The following ADAD1 variants were observed in gnomAD, a reference collection of about 807,000 sequenced individuals.
The protein encoded by ADAD1 is adenosine deaminase domain containing 1.
Under a neutral mutation model 66.8 loss-of-function variants are expected in ADAD1, and 46 were observed. The ratio of observed to expected loss-of-function variants is 0.69; its 90% confidence interval spans 0.54 to 0.88. The LOEUF (loss-of-function observed/expected upper bound fraction) is 0.88. ADAD1 is among the 40% of genes least tolerant of loss of function. ADAD1 has a pLI of 0.00. For missense variants in ADAD1, 617 were observed against 681.8 expected (o/e 0.91, Z 1.06); for synonymous variants, 248 against 229.4 (o/e 1.08, Z -0.73).
intron 12 of ADAD1, among the ~76,000 whole-genome samples, chr4:122,424,180 A>G (rs1350780316): frequency 6.6e-6 from 1 of 152,200 alleles, no homozygotes; most frequent in Non-Finnish European, 1.5e-5. Context: ...CGTTAAGAAA[A>G]TGTGTTGTTA....
chr4:122,418,707 C>T (rs994649260), intron 11 of ADAD1, among the ~76,000 whole-genome samples: 5 of 152,036 alleles, frequency 3.3e-5, no homozygotes, highest in South Asian at 2.1e-4. Flanking sequence ...TTTTTCTAAA[C>T]CTTTAAAAAG....
rs771363390 is a variant in ADAD1, at chr4:122,407,921, G to A, written c.738G>A (p.Glu246=). The change falls in exon 8 of 13, where the codon GAG becomes GAA. Residue 246 remains glutamate (E), a synonymous_variant. Transcript: ENST00000296513. ...TTTTTCTTTCAGCTGGACAACATGA[G>A]GTTGTAGCTATAGGCACAGGTGAAT... ...AFIIERAGQH[E]VVAIGTGEYN... 3 of 1,613,196 alleles carry A rather than the reference G, an allele frequency of 1.9e-6. No homozygotes were observed. The highest frequency in any genetic ancestry group is 2.7e-5 in the African/African-American group (2 of 74,886).
chr4:122,415,891 A>G (rs62321749), intron 11 of ADAD1, among the ~76,000 whole-genome samples: 7,479 of 152,240 alleles, frequency 0.049, 259 homozygotes, highest in Non-Finnish European at 0.074. Flanking sequence ...AACCCAAGGA[A>G]TCTGGCTCCA....
intron 11 of ADAD1, among the ~76,000 whole-genome samples, chr4:122,417,073 G>A (rs933359777): frequency 2.6e-5 from 4 of 152,096 alleles, no homozygotes; most frequent in African/African-American, 4.8e-5. Flanking sequence ...AGTGGCTCAC[G>A]CCTATAACCC....
In ADAD1 at chr4:122,415,385, G is replaced by A. The variant is rs771344072; in HGVS notation, c.1256G>A (p.Gly419Glu). 2 of 1,607,798 alleles carry A rather than the reference G, an allele frequency of 1.2e-6. No homozygotes were observed. Residue 419 changes from glycine to glutamate, a missense_variant, in exon 11 of 13, where the codon GGG becomes GAG. Gly to Glu is a moderately conservative substitution (Grantham distance 98). Transcript: ENST00000296513. ...VYISSILIGD[G>E]NCSDTRGLEI... ...TTTTGTTTTTGCTTTCTAGGTGATG[G>A]GAATTGCAGTGATACCAGAGGCTTA...
At chr4:122,388,878 T>C (rs1214599722) in intron 5 of ADAD1, among the ~76,000 whole-genome samples, 2 of 152,188 alleles carry the variant, frequency 1.3e-5, no homozygotes, top group African/African-American at 4.8e-5. Context: ...TCAGTTCTGC[T>C]CTGATCTTAG....
chr4:122,415,500 A>T lies in ADAD1; in HGVS notation c.1371A>T (p.Val457=), dbSNP rs1796688769. ...YLVNRPHISL[V]PSAYPLQMNL... ...TCAACAGACCTCATATTAGTTTAGT[A>T]CCCTCTGCATATCCCCTTCAAATGA... The change falls in exon 11 of 13, where the codon GTA becomes GTT. Residue 457 remains valine (V), a synonymous_variant. Transcript: ENST00000296513. The T allele has an allele frequency of 6.2e-7, 1 of 1,613,714 alleles. No homozygotes were observed. The highest frequency in any genetic ancestry group is 1.7e-5 in the Admixed American group (1 of 59,972).
At chr4:122,426,178 A>G (rs1411572289) in intron 12 of ADAD1, among the ~76,000 whole-genome samples, 1 of 152,154 alleles carries the variant, frequency 6.6e-6, no homozygotes, top group Non-Finnish European at 1.5e-5. Flanking sequence ...GGTTATCACT[A>G]CAGACCTTAA....
In ADAD1 at chr4:122,379,380, A is replaced by G. The variant is rs1580725546; in HGVS notation, c.-74A>G. On this transcript the variant is annotated 5_prime_UTR_variant, in exon 2 of 13. Transcript: ENST00000296513. ...CGGCGTCTCTTCCCTAGGTGACGCA[A>G]GACGCGGAGCTCGGCTGCACGACGC... 6.6e-6 allele frequency: 1 copy of G among 152,370 alleles called. No homozygotes were observed. Among genetic ancestry groups the G allele is most frequent in the African/African-American group, 2.4e-5 (1 of 41,476 alleles). The allele number at this position is 152,370 out of a possible 1,614,324, so 9.4% of individuals were successfully genotyped here.
At chr4:122,381,903 T>C (rs1185893491) in intron 4 of ADAD1, among the ~76,000 whole-genome samples, 1 of 152,218 alleles carries the variant, frequency 6.6e-6, no homozygotes, top group African/African-American at 2.4e-5. Context: ...TTCTTTAATT[T>C]TCCTGGTGCT....
chr4:122,389,026 C>A (rs1435118161), intron 5 of ADAD1, among the ~76,000 whole-genome samples: 1 of 152,178 alleles, frequency 6.6e-6, no homozygotes, highest in Non-Finnish European at 1.5e-5. Context: ...TCCCTCTTAA[C>A]ACTACTTTAG....
chr4:122,417,858 G>A (rs1234653911), intron 11 of ADAD1, among the ~76,000 whole-genome samples: 2 of 152,106 alleles, frequency 1.3e-5, no homozygotes, highest in African/African-American at 4.8e-5. Context: ...AGAATACTAG[G>A]AGCTGATTTT....
chr4:122,389,207 T>G (rs1795324387), intron 5 of ADAD1, among the ~76,000 whole-genome samples: 2 of 152,236 alleles, frequency 1.3e-5, no homozygotes, highest in South Asian at 4.1e-4. Flanking sequence ...AGTTCTAATT[T>G]TATTGCACTG....
chr4:122,390,011 G>A (rs922974888), intron 5 of ADAD1, among the ~76,000 whole-genome samples: 2 of 152,068 alleles, frequency 1.3e-5, no homozygotes, highest in Admixed American at 6.5e-5. Flanking sequence ...TTTCATTTCC[G>A]TATTTAGTGC....
intron 7 of ADAD1, among the ~76,000 whole-genome samples, chr4:122,403,398 G>T (rs761011024): frequency 2.6e-4 from 39 of 152,164 alleles, no homozygotes; most frequent in Non-Finnish European, 4.7e-4. Context: ...GAGGTGGCAG[G>T]GTAGCGAAGT....
At position 122,381,116 on chromosome 4, in the gene ADAD1, A is replaced by G. The variant is rs775388156; in HGVS notation, c.297A>G (p.Ser99=). 11 of 1,603,056 alleles carry G rather than the reference A, an allele frequency of 6.9e-6. No homozygotes were observed. The highest frequency in any genetic ancestry group is 8.5e-6 in the Non-Finnish European group (10 of 1,177,972). ...AACGTGGAGAGATAAATCCTGTGTCAGCCTTGCACCAGTTTGCACAAATGC... is the reference window on the plus strand; with the variant it reads ...AACGTGGAGAGATAAATCCTGTGTCGGCCTTGCACCAGTTTGCACAAATGC... ...KYKRGEINPV[S]ALHQFAQMQR... The change falls in exon 4 of 13, where the codon TCA becomes TCG. Residue 99 remains serine, a synonymous_variant. Coordinates refer to ENST00000296513, the MANE Select transcript of ADAD1 (RefSeq NM_139243.4).
intron 12 of ADAD1, among the ~76,000 whole-genome samples, chr4:122,422,161 G>C (rs1362321698): frequency 8.6e-6 from 1 of 115,608 alleles, no homozygotes; most frequent in Non-Finnish European, 1.6e-5. Context: ...GTCTCACTCT[G>C]TTGTCCAGGC....
intron 3 of ADAD1, 70 bp downstream of exon 3, chr4:122,380,311 G>A (rs1462091125): frequency 6.6e-7 from 1 of 1,517,648 alleles, no homozygotes; most frequent in African/African-American, 1.4e-5. Flanking sequence ...AAGTTCTGTC[G>A]AGTCTCTGGT....
chr4:122,405,177 G>T (rs921357033), intron 7 of ADAD1, among the ~76,000 whole-genome samples: 4 of 152,130 alleles, frequency 2.6e-5, no homozygotes, highest in African/African-American at 9.7e-5. Flanking sequence ...CGTATCCTAG[G>T]AATGAAAGCA....
Sources: allele counts gnomAD v4.1 joint callset (sites outside exome capture counted in the v4.1 genomes callset), GRCh38; gene constraint gnomAD v4.1.1; transcripts MANE v1.5; gene names NCBI Gene and HGNC (gene_info 2026-07-23, HGNC 2026-07-21).